The following ERCC6 variants were observed in gnomAD, a reference collection of about 807,000 sequenced individuals.
The protein encoded by ERCC6 is DNA excision repair protein ERCC-6.
A neutral mutation model predicts 158.7 loss-of-function variants in ERCC6; 116 were observed. The observed-to-expected ratio is 0.73, with a 90% CI of 0.63 to 0.85. The LOEUF (loss-of-function observed/expected upper bound fraction) is 0.85, where lower values mean the gene tolerates loss of function less well. ERCC6 is among the 40% of genes least tolerant of loss of function. The pLI, the probability that ERCC6 is intolerant of heterozygous loss-of-function variation, is 0.00. For missense variants in ERCC6, 1,698 were observed against 1,799.4 expected, an observed-to-expected ratio of 0.94 and a Z score of 1.02; for synonymous variants, 678 against 659.3, an observed-to-expected ratio of 1.03 and a Z score of -0.43.
chr10:49,445,788 T>C, the ERCC6 span, among the ~76,000 whole-genome samples: 1 of 152,292 alleles, frequency 6.6e-6, no homozygotes, highest in Admixed American at 6.5e-5. Flanking sequence ...AAAAGTGCTG[T>C]TCCTGAAATA....
At chr10:49,469,139 A>T (rs998252337) in intron 18 of ERCC6, among the ~76,000 whole-genome samples, 1 of 152,250 alleles carries the variant, frequency 6.6e-6, no homozygotes, top group Admixed American at 6.5e-5. Context: ...TAGATATTAA[A>T]ACTAGTGGAT....
intron 5 of ERCC6, 48 bp from the exon 6 acceptor site, chr10:49,506,060 A>C: frequency 6.2e-7 from 1 of 1,604,126 alleles, no homozygotes; most frequent in Non-Finnish European, 8.5e-7. Context: ...ATCACAAGAC[A>C]GATTTAAAAA....
chr10:49,490,649 G>A (rs540714920), intron 8 of ERCC6, among the ~76,000 whole-genome samples: 27 of 152,184 alleles, frequency 1.8e-4, no homozygotes, highest in East Asian at 7.7e-4. Flanking sequence ...CACCACGCCC[G>A]GACAATTTTC....
At position 49,456,751 on chromosome 10, in the gene ERCC6, A is replaced by C. The variant is rs1418487116; in HGVS notation, c.*2064T>G. On this transcript the variant is annotated 3_prime_UTR_variant, in exon 21 of 21. Transcript: ENST00000355832. ...CAAAGCTTTTAAAGTTCTAAAAATC[A>C]GATTTTTATCTAAATGAATAAATTT... The C allele has an allele frequency of 6.6e-6, 1 of 152,226 alleles. No individual in the cohort carries two copies. Among genetic ancestry groups the C allele is most frequent in the Non-Finnish European group, 1.5e-5 (1 of 68,040 alleles). 9.4% of individuals were successfully genotyped at this position (152,226 alleles called of 1,614,324 possible). A position where few individuals can be genotyped will look rare whatever the true frequency, so the allele number is the denominator to read the frequency against.
intron 5 of ERCC6, among the ~76,000 whole-genome samples, chr10:49,518,184 G>A (rs975336593): frequency 2.0e-5 from 3 of 152,328 alleles, no homozygotes; most frequent in South Asian, 2.1e-4. Flanking sequence ...CAGGCTGTGA[G>A]GTTGGTGGTT....
At position 49,532,975 on chromosome 10, in the gene ERCC6, C is replaced by G. The variant is rs4253012; in HGVS notation, c.-11G>C. 115 of 1,614,118 alleles carry G rather than the reference C, an allele frequency of 7.1e-5. No homozygotes were observed. The African/African-American group carries it at 1.3e-3, about 19-fold the overall frequency. On this transcript the variant is annotated 5_prime_UTR_variant, in exon 2 of 21. Coordinates refer to ENST00000355832, the MANE Select transcript of ERCC6 (RefSeq NM_000124.4). ...TCCCTCATTTGGCATTCTCTACAGA[C>G]TACCTAAAAGGAAAAAAATTTATAA...
At chr10:49,443,352 T>C in the ERCC6 span, among the ~76,000 whole-genome samples, 14 of 152,198 alleles carry the variant, frequency 9.2e-5, no homozygotes, top group Non-Finnish European at 2.1e-4. Flanking sequence ...TTGTATACTA[T>C]TTAGATATAT....
intron 3 of ERCC6, among the ~76,000 whole-genome samples, chr10:49,530,454 T>C (rs1837442772): frequency 6.6e-6 from 1 of 152,210 alleles, no homozygotes; most frequent in African/African-American, 2.4e-5. Flanking sequence ...TTTGTCGGGA[T>C]GTAACCCTGT....
chr10:49,516,762 T>G (rs1359586475), intron 5 of ERCC6: 1 of 1,614,132 alleles, frequency 6.2e-7, no homozygotes, highest in East Asian at 2.2e-5. Context: ...TACAGTTAGG[T>G]CGGCTTTTTT....
At chr10:49,512,079 G>C (rs1413097387) in intron 5 of ERCC6, among the ~76,000 whole-genome samples, 1 of 152,108 alleles carries the variant, frequency 6.6e-6, no homozygotes, top group Non-Finnish European at 1.5e-5. Flanking sequence ...ATTAATTGCA[G>C]GTTAAATGTG....
chr10:49,538,409 G>C (rs898160115), intron 1 of ERCC6, among the ~76,000 whole-genome samples: 2 of 152,176 alleles, frequency 1.3e-5, no homozygotes, highest in Non-Finnish European at 2.9e-5. Flanking sequence ...ACAACTGTGC[G>C]GATAATGGAT....
chr10:49,534,363 T>C (rs1264728759), intron 1 of ERCC6, among the ~76,000 whole-genome samples: 2 of 152,206 alleles, frequency 1.3e-5, no homozygotes, highest in East Asian at 3.8e-4. Flanking sequence ...TGTCAAGCAA[T>C]TCTAGGTATT....
At chr10:49,438,169 G>A in the ERCC6 span, among the ~76,000 whole-genome samples, 5 of 152,188 alleles carry the variant, frequency 3.3e-5, no homozygotes, top group African/African-American at 1.2e-4. Context: ...GGAAGGCATG[G>A]TCAGTGAATG....
At chr10:49,525,353 T>A (rs567676918) in intron 4 of ERCC6, 1 of 160,926 alleles carries the variant, frequency 6.2e-6, no homozygotes, top group Non-Finnish European at 1.4e-5. Context: ...TTTGCCCTTT[T>A]TCAAGTGCTC....
intron 5 of ERCC6, among the ~76,000 whole-genome samples, chr10:49,514,031 CTT>C (rs1287540407): frequency 1.3e-5 from 2 of 152,150 alleles, no homozygotes; most frequent in East Asian, 3.9e-4. Flanking sequence ...AGTACCACCC[CTT>C]TTCTCACAGT....
chr10:49,516,229 T>G, intron 5 of ERCC6: 1 of 1,614,118 alleles, frequency 6.2e-7, no homozygotes, highest in South Asian at 1.1e-5. Context: ...CACCAAAACT[T>G]ATAGCCAAAC....
In ERCC6 at chr10:49,459,072, T is replaced by C. The variant is rs1850530513; in HGVS notation, c.4225A>G (p.Ser1409Gly). Residue 1409 changes from serine (S) to glycine (G), a missense_variant, in exon 21 of 21, where the codon AGC (serine) becomes GGC (glycine). By Grantham distance (56) the Ser-to-Gly change is moderately conservative. Transcript: ENST00000355832. ...LILPERLESE[S>G]GHLQEASALL... ...GCAGAAGCTTCCTGCAGGTGCCCGCTTTCACTTTCTAAACGCTCTGGCAGA... is the reference window on the plus strand; with the variant it reads ...GCAGAAGCTTCCTGCAGGTGCCCGCCTTCACTTTCTAAACGCTCTGGCAGA... 1 of 1,614,174 alleles carries C rather than the reference T, an allele frequency of 6.2e-7. No individual in the cohort carries two copies. The highest frequency in any genetic ancestry group is 1.3e-5 in the African/African-American group (1 of 75,042).
In ERCC6 at chr10:49,474,176, T is replaced by G. The variant is rs1488711332; in HGVS notation, c.2449A>C (p.Lys817Gln). 6.2e-7 allele frequency: 1 copy of G among 1,614,054 alleles called. No homozygotes were observed. Among genetic ancestry groups the G allele is most frequent in the Non-Finnish European group, 8.5e-7 (1 of 1,180,030 alleles). Residue 817 changes from lysine to glutamine, a missense_variant, in exon 13 of 21, where the codon AAG becomes CAG. Lys to Gln is a moderately conservative substitution (Grantham distance 53, BLOSUM62 1). Coordinates refer to ENST00000355832, the MANE Select transcript of ERCC6 (RefSeq NM_000124.4). Reference protein sequence around the residue: ...NHPDLFSGGPKNLKGLPDDEL... With the variant: ...NHPDLFSGGPQNLKGLPDDEL... ...TCATCAGGAAGACCTTTGAGATTCTTGGGACCTCCAGAAAAGAGATCAGGG... is the reference window on the plus strand; with the variant it reads ...TCATCAGGAAGACCTTTGAGATTCTGGGGACCTCCAGAAAAGAGATCAGGG...
chr10:49,459,369 T>G (rs1850537220), intron 20 of ERCC6, 135 bp from the exon 21 acceptor site: 1 of 856,426 alleles, frequency 1.2e-6, no homozygotes, highest in African/African-American at 1.7e-5. Context: ...AGACTGAGAC[T>G]CCACCTAATG....
Sources: gnomAD v4.1 joint callset for allele counts (sites outside exome capture counted in the v4.1 genomes callset) on GRCh38, gnomAD v4.1.1 for gene constraint, MANE v1.5 for transcripts, NCBI Gene and HGNC (gene_info 2026-07-23, HGNC 2026-07-21) for gene names.